SDK2: variants seen among roughly 807,000 people sequenced by gnomAD.
SDK2 encodes sidekick cell adhesion molecule 2.
In SDK2, 105 loss-of-function variants were observed where a neutral mutation model predicts 253.9. The ratio of observed to expected loss-of-function variants is 0.41; its 90% CI spans 0.35 to 0.49. The LOEUF (loss-of-function observed/expected upper bound fraction) is 0.49, where lower values mean the gene tolerates loss of function less well. Ranked by LOEUF, SDK2 falls within the 20% of genes least tolerant of loss-of-function variation. The pLI, the probability that SDK2 is intolerant of heterozygous loss-of-function variation, is 0.06. For synonymous variants in SDK2, 1,249 were observed against 1,234.9 expected (o/e 1.01, Z -0.24); for missense variants, 2,608 against 3,003.0 (o/e 0.87, Z 3.07).
intron 18 of SDK2, among the ~76,000 whole-genome samples, chr17:73,411,983 TAC>T (rs1160294520): frequency 7.0e-4 from 9 of 12,810 alleles, no homozygotes; most frequent in African/African-American, 1.4e-3. Flanking sequence ...TATATATATC[TAC>T]GTATATATAT....
At chr17:73,611,440 T>G (rs1257611708) in intron 1 of SDK2, among the ~76,000 whole-genome samples, 2 of 152,232 alleles carry the variant, frequency 1.3e-5, no homozygotes, top group Admixed American at 1.3e-4. Context: ...ATAGCAAGGC[T>G]GGGGCCCGCC....
intron 4 of SDK2, among the ~76,000 whole-genome samples, chr17:73,452,915 G>A (rs746222806): frequency 3.3e-5 from 5 of 152,240 alleles, no homozygotes; most frequent in African/African-American, 9.6e-5. Flanking sequence ...CAACATCCAC[G>A]CTAAGAAACA....
In SDK2 at chr17:73,424,011, G is replaced by A. The variant is rs2063257780; in HGVS notation, c.1665C>T (p.His555=). The change falls in exon 13 of 45, where the codon CAC becomes CAT. Residue 555 remains histidine, a synonymous_variant. Transcript: ENST00000392650. ...RIRLDRNGSL[H]ISQTWSGDIG... The stretch of plus-strand genomic sequence containing the variant: ...TGTCTCCCGACCACGTCTGTGAGAT[G>A]TGCAGGGAGCCGTTTCTGTCCAGGC... 6.2e-7 allele frequency: 1 copy of A among 1,612,320 alleles called. No individual in the cohort carries two copies. Among genetic ancestry groups the A allele is most frequent in the Non-Finnish European group, 8.5e-7 (1 of 1,179,424 alleles).
intron 43 of SDK2, 49 bp from the exon 44 acceptor site, chr17:73,348,774 G>C: frequency 6.4e-7 from 1 of 1,562,322 alleles, no homozygotes; most frequent in Non-Finnish European, 8.7e-7. Flanking sequence ...ACTCAGAGCG[G>C]CCTCCCCTGG....
At chr17:73,345,429 C>T (rs1009259628) in intron 44 of SDK2, among the ~76,000 whole-genome samples, 1 of 152,212 alleles carries the variant, frequency 6.6e-6, no homozygotes, top group Non-Finnish European at 1.5e-5. Context: ...TATTTATACA[C>T]GTATGGTCTT....
At chr17:73,421,575 T>C (rs1264698919) in intron 15 of SDK2, among the ~76,000 whole-genome samples, 1 of 130,768 alleles carries the variant, frequency 7.6e-6, no homozygotes, top group South Asian at 2.4e-4. Context: ...ATTTCCATCT[T>C]TTTTTTTTTT....
chr17:73,561,729 T>TG lies in SDK2; in HGVS notation c.65-54133dup, dbSNP rs555911653. 5.9e-4 allele frequency among the ~76,000 whole-genome samples: 90 copies of TG among 152,330 alleles called. 1 individual carries two copies. The highest frequency in any genetic ancestry group is 2.6e-3 in the Admixed American group (40 of 15,296). ...TACGGCCTCCCCTGAATTGAGTCTC[T>TG]GCTCTCAAGGACTCTGTTCCAGGGC... On this transcript the variant is annotated intron_variant, in intron 1 of 44. Transcript: ENST00000392650.
intron 9 of SDK2, among the ~76,000 whole-genome samples, chr17:73,434,516 G>A (rs2063352631): frequency 6.6e-6 from 1 of 152,240 alleles, no homozygotes; most frequent in Non-Finnish European, 1.5e-5. Flanking sequence ...GCCTCTGTGG[G>A]TCTGGGTGAT....
At chr17:73,424,544 T>C (rs1361688066) in intron 12 of SDK2, among the ~76,000 whole-genome samples, 2 of 152,214 alleles carry the variant, frequency 1.3e-5, no homozygotes, top group African/African-American at 4.8e-5. Context: ...AAATTGACTA[T>C]AGTGTCCAAA....
intron 44 of SDK2, among the ~76,000 whole-genome samples, chr17:73,342,297 C>T (rs957052905): frequency 6.6e-6 from 1 of 152,246 alleles, no homozygotes; most frequent in Admixed American, 6.5e-5. Flanking sequence ...TCCCTGGGCT[C>T]GGTCTGCCCC....
chr17:73,347,360 A>T (rs888218962), intron 44 of SDK2, among the ~76,000 whole-genome samples: 1 of 152,110 alleles, frequency 6.6e-6, no homozygotes, highest in African/African-American at 2.4e-5. Context: ...CAACAAAAAA[A>T]CTCATAACTT....
chr17:73,627,923 G>C (rs545868107), intron 1 of SDK2, among the ~76,000 whole-genome samples: 2 of 152,090 alleles, frequency 1.3e-5, no homozygotes, highest in Admixed American at 1.3e-4. Context: ...GTGGTGGTGG[G>C]CGCCTGTAGT....
At chr17:73,421,525 G>A (rs1242807078) in intron 15 of SDK2, among the ~76,000 whole-genome samples, 3 of 150,006 alleles carry the variant, frequency 2.0e-5, no homozygotes, top group Non-Finnish European at 4.4e-5. Context: ...GGGTATCACC[G>A]TGTGATGTTT....
Position 73,379,194 on chromosome 17 carries a change from C to G in SDK2, c.4963G>C (p.Asp1655His). ...EPPPLDSQNG[D>H]IQGYKIYFWE... is the part of the protein sequence containing the mutation. ...CACCCTACCTTGTACCCCTGGATGT[C>G]TCCATTCTGGCTGTCCAGCGGAGGT... The change falls in exon 36 of 45, where the codon GAC becomes CAC. Residue 1655 changes from aspartate to histidine, a missense_variant. By Grantham distance (81) the Asp-to-His change is moderately conservative. Around this residue, in one of 2 missense-constraint regions of SDK2, gnomAD observed 1,103 missense variants for 1,143.9 expected, o/e 0.96. Transcript: ENST00000392650. The surrounding 1 kb of genome is among the most constrained non-coding windows in gnomAD (Gnocchi z 4.5). 6.4e-7 allele frequency: 1 copy of G among 1,557,726 alleles called. No homozygotes were observed. Among genetic ancestry groups the G allele is most frequent in the Non-Finnish European group, 8.7e-7 (1 of 1,150,114 alleles).
chr17:73,482,029 C>T (rs748458004), intron 2 of SDK2, among the ~76,000 whole-genome samples: 1 of 152,184 alleles, frequency 6.6e-6, no homozygotes, highest in Non-Finnish European at 1.5e-5. Flanking sequence ...AATCCCAGCA[C>T]TTTGGGAGGC....
rs8080047 is a variant in SDK2, at chr17:73,629,999, C to T, written c.64+14026G>A. On this transcript the variant is annotated intron_variant, in intron 1 of 44. Transcript: ENST00000392650. This position sits in a 1 kb window ranked among gnomAD's most constrained non-coding sequence, Gnocchi z 5.0. ...TGAGTGCTGGTCAATACCAACCCCC[C>T]ACCAGGTGCAAGGCCATCACCACGT... 1.3e-5 allele frequency among the ~76,000 whole-genome samples: 2 copies of T among 152,104 alleles called. No homozygotes were observed. Among genetic ancestry groups the T allele is most frequent in the Admixed American group, 6.5e-5 (1 of 15,282 alleles).
intron 19 of SDK2, 32 bp downstream of exon 19, chr17:73,401,914 G>GA (rs756268897): frequency 1.3e-5 from 19 of 1,513,202 alleles, no homozygotes; most frequent in Non-Finnish European, 1.5e-5. Context: ...GGGCGGGGGG[G>GA]GGCAGAAAGA....
At chr17:73,625,960 A>G (rs964685882) in intron 1 of SDK2, among the ~76,000 whole-genome samples, 2 of 152,122 alleles carry the variant, frequency 1.3e-5, no homozygotes, top group Admixed American at 1.3e-4. Flanking sequence ...TTCATTTTGC[A>G]CCGGATCCTG....
chr17:73,409,904 G>C (rs1419067073), intron 18 of SDK2, among the ~76,000 whole-genome samples: 1 of 151,920 alleles, frequency 6.6e-6, no homozygotes, highest in Non-Finnish European at 1.5e-5. Flanking sequence ...ACTCGGGCTG[G>C]AGTGCAGTGA....
Sources: gnomAD v4.1 joint callset for allele counts (sites outside exome capture counted in the v4.1 genomes callset) on GRCh38, gnomAD v4.1.1 for gene constraint, gnomAD v4.1.1 regional missense constraint, Gnocchi (gnomAD v3.1) non-coding constraint, MANE v1.5 for transcripts, NCBI Gene and HGNC (gene_info 2026-07-23, HGNC 2026-07-21) for gene names.